Variants in ROBO1 observed in about 807,000 individuals in gnomAD.
ROBO1 encodes the protein roundabout guidance receptor 1.
A neutral mutation model predicts 195.9 loss-of-function variants in ROBO1; 149 were observed. The ratio of observed to expected loss-of-function variants is 0.76; its 90% CI spans 0.67 to 0.87. The LOEUF (loss-of-function observed/expected upper bound fraction) is 0.87. Ranked by LOEUF, ROBO1 falls within the 40% of genes least tolerant of loss-of-function variation. The pLI, the probability that ROBO1 is intolerant of heterozygous loss-of-function variation, is 0.00. For missense variants in ROBO1, 1,933 were observed against 2,068.3 expected, an observed-to-expected ratio of 0.93 and a Z score of 1.27; for synonymous variants, 816 against 733.2, an observed-to-expected ratio of 1.11 and a Z score of -1.82.
intron 1 of ROBO1, among the ~76,000 whole-genome samples, chr3:79,593,696 C>T (rs112514266): frequency 0.024 from 3,622 of 151,928 alleles, 98 homozygotes; most frequent in African/African-American, 0.067. Context: ...CTGCAACCTC[C>T]GCCTCCCAGG....
intron 2 of ROBO1, among the ~76,000 whole-genome samples, chr3:79,373,803 T>C (rs2109347074): frequency 6.6e-6 from 1 of 152,264 alleles, no homozygotes; most frequent in Middle Eastern, 3.4e-3. Context: ...GGATCTTAGT[T>C]CAATAAAAGC....
rs1467510887 is a variant in ROBO1 at position 78,616,633 on chromosome 3, A to T, written c.4282+1002T>A. On this transcript the variant is annotated intron_variant, in intron 27 of 30. Transcript: ENST00000464233. ...GGTAGTTATTAAATTAAGAAAAATA[A>T]AACAGTAAAATACCAGTAACTGACT... is the stretch of plus-strand genomic sequence containing the variant. 2.6e-5 allele frequency among the ~76,000 whole-genome samples: 4 copies of T among 152,114 alleles called. No individual in the cohort carries two copies. In the East Asian group the frequency reaches 5.8e-4, roughly 22 times the overall value.
intron 2 of ROBO1, among the ~76,000 whole-genome samples, chr3:79,161,403 C>T (rs2080963600): frequency 6.6e-6 from 1 of 151,992 alleles, no homozygotes; most frequent in Admixed American, 6.6e-5. Context: ...TTAAACATAT[C>T]AATTTTTTTA....
intron 2 of ROBO1, among the ~76,000 whole-genome samples, chr3:79,360,407 T>A (rs2035723448): frequency 6.6e-6 from 1 of 152,010 alleles, no homozygotes; most frequent in African/African-American, 2.4e-5. Flanking sequence ...TATGAAGAAT[T>A]TTTTTGTACT....
chr3:78,647,767 C>T (rs1706393133), intron 19 of ROBO1, 112 bp from the exon 20 acceptor site: 6 of 914,192 alleles, frequency 6.6e-6, no homozygotes, highest in African/African-American at 1.6e-5. Flanking sequence ...ATGTAAATAA[C>T]TAAGCCAGTA....
chr3:79,570,793 A>G (rs1943253697), intron 2 of ROBO1, among the ~76,000 whole-genome samples: 1 of 152,148 alleles, frequency 6.6e-6, no homozygotes, highest in South Asian at 2.1e-4. Context: ...TTTAACTCAC[A>G]CTACCCTGTG....
intron 2 of ROBO1, among the ~76,000 whole-genome samples, chr3:79,242,846 T>C (rs1262961555): frequency 2.0e-5 from 3 of 152,174 alleles, no homozygotes; most frequent in African/African-American, 7.2e-5. Flanking sequence ...TCTTTTTTCA[T>C]TATACTTTAA....
At chr3:78,877,048 C>T (rs2035893982) in intron 4 of ROBO1, among the ~76,000 whole-genome samples, 1 of 152,040 alleles carries the variant, frequency 6.6e-6, no homozygotes, top group African/African-American at 2.4e-5. Flanking sequence ...ATTATCGCTG[C>T]TAGATCCAGC....
At chr3:78,773,233 A>G (rs1337273601) in intron 4 of ROBO1, among the ~76,000 whole-genome samples, 1 of 152,112 alleles carries the variant, frequency 6.6e-6, no homozygotes, top group Admixed American at 6.5e-5. Flanking sequence ...ATATACAGGT[A>G]CAAAAAAATC....
At chr3:78,801,475 C>T (rs949311551) in intron 4 of ROBO1, among the ~76,000 whole-genome samples, 2 of 151,926 alleles carry the variant, frequency 1.3e-5, no homozygotes, top group Non-Finnish European at 2.9e-5. Context: ...TCTATTAATT[C>T]TCCTTACACT....
At chr3:78,909,505 G>A (rs1030612008) in intron 4 of ROBO1, among the ~76,000 whole-genome samples, 3 of 151,698 alleles carry the variant, frequency 2.0e-5, no homozygotes, top group African/African-American at 4.8e-5. Flanking sequence ...CATTAAACTC[G>A]ATGACGTGTT....
intron 26 of ROBO1, among the ~76,000 whole-genome samples, chr3:78,623,172 A>G (rs1004759649): frequency 6.6e-6 from 1 of 152,202 alleles, no homozygotes. Flanking sequence ...GGAGACAAAT[A>G]ATTAAATATG....
intron 2 of ROBO1, among the ~76,000 whole-genome samples, chr3:79,262,956 A>G (rs2082967743): frequency 6.6e-6 from 1 of 152,146 alleles, no homozygotes; most frequent in African/African-American, 2.4e-5. Flanking sequence ...AACTTGAACC[A>G]CAAATGTTCA....
chr3:79,227,911 G>A (rs545818943), intron 2 of ROBO1, among the ~76,000 whole-genome samples: 13 of 152,202 alleles, frequency 8.5e-5, no homozygotes, highest in African/African-American at 3.1e-4. Flanking sequence ...TAGATTTAAT[G>A]GGAAACCGGA....
At chr3:78,989,347 C>T (rs928438582) in intron 3 of ROBO1, among the ~76,000 whole-genome samples, 3 of 152,146 alleles carry the variant, frequency 2.0e-5, no homozygotes, top group Admixed American at 2.0e-4. Flanking sequence ...GGCACGGGGG[C>T]TCATGCCTAT....
At chr3:78,992,498 G>A (rs2077261414) in intron 3 of ROBO1, among the ~76,000 whole-genome samples, 1 of 152,132 alleles carries the variant, frequency 6.6e-6, no homozygotes, top group East Asian at 1.9e-4. Context: ...GCAGACCCTG[G>A]CAATGGCAGG....
At position 78,945,873 on chromosome 3, in the gene ROBO1, T is replaced by C. The variant is rs141630015; in HGVS notation, c.173-6946A>G. On this transcript the variant is annotated intron_variant, in intron 3 of 30. Transcript: ENST00000464233. ...AGGCACGAGAGCTACGTGACAACTG[T>C]AGAAGCCTCCGTAGACAATGCAATC... Among the ~76,000 whole-genome samples the C allele has an allele frequency of 4.1e-3, 623 of 151,752 alleles. 3 individuals carry two copies. The highest frequency in any genetic ancestry group is 0.015 in the African/African-American group (608 of 41,386).
chr3:78,660,952 T>C, intron 16 of ROBO1, 78 bp downstream of exon 16: 1 of 966,786 alleles, frequency 1.0e-6, no homozygotes, highest in Non-Finnish European at 1.5e-6. Flanking sequence ...ATTAACATTA[T>C]AACAATTTAA....
intron 2 of ROBO1, among the ~76,000 whole-genome samples, chr3:79,207,740 T>C (rs1284268352): frequency 1.3e-5 from 2 of 151,836 alleles, no homozygotes; most frequent in Non-Finnish European, 2.9e-5. Context: ...CCTAATTTCT[T>C]TTACATGGAG....
Sources: gnomAD v4.1 joint callset for allele counts (sites outside exome capture counted in the v4.1 genomes callset) on GRCh38, gnomAD v4.1.1 for gene constraint, MANE v1.5 for transcripts, NCBI Gene and HGNC (gene_info 2026-07-23, HGNC 2026-07-21) for gene names.